The following KLHL32 variants were observed in gnomAD, a reference collection of about 807,000 sequenced individuals.
KLHL32 encodes the protein kelch-like protein 32.
KLHL32 carries 35 observed loss-of-function variants against 64.8 expected under a neutral mutation model. That is an observed-to-expected ratio of 0.54 (90% CI 0.41 to 0.72). KLHL32 has a LOEUF of 0.72. Ranked by LOEUF, KLHL32 falls within the 30% of genes least tolerant of loss-of-function variation. The pLI is 0.00. For missense variants in KLHL32, 589 were observed against 768.5 expected, an observed-to-expected ratio of 0.77 and a Z score of 2.76; for synonymous variants, 259 against 281.0, an observed-to-expected ratio of 0.92 and a Z score of 0.78.
At chr6:97,100,704 C>T (rs1795590067) in intron 6 of KLHL32, among the ~76,000 whole-genome samples, 1 of 152,152 alleles carries the variant, frequency 6.6e-6, no homozygotes, top group Non-Finnish European at 1.5e-5. Context: ...CTGCTTGAGC[C>T]CTTGAGGTCC....
chr6:96,941,492 T>C (rs994198315), intron 1 of KLHL32, among the ~76,000 whole-genome samples: 4 of 152,218 alleles, frequency 2.6e-5, no homozygotes, highest in African/African-American at 9.6e-5. Context: ...ATAAGTTTTC[T>C]GAGTGACTTA....
chr6:96,980,198 T>C (rs577721232), intron 3 of KLHL32, among the ~76,000 whole-genome samples: 1 of 152,184 alleles, frequency 6.6e-6, no homozygotes, highest in Non-Finnish European at 1.5e-5. Flanking sequence ...TCCAGTACTA[T>C]GTTGAATAGG....
At chr6:96,941,214 C>A (rs12662042) in intron 1 of KLHL32, among the ~76,000 whole-genome samples, 53,712 of 152,002 alleles carry the variant, frequency 0.35, 10,379 homozygotes, top group African/African-American at 0.51. Flanking sequence ...TATGATTCGC[C>A]TGTTCAAGTC....
At chr6:97,083,359 C>T (rs1459540190) in intron 5 of KLHL32, among the ~76,000 whole-genome samples, 3 of 151,122 alleles carry the variant, frequency 2.0e-5, no homozygotes, top group Admixed American at 2.0e-4. Context: ...CACTGCATTC[C>T]AGCCTGGGCG....
chr6:97,102,701 TGAG>T (rs1473769806), intron 6 of KLHL32, among the ~76,000 whole-genome samples: 1 of 152,158 alleles, frequency 6.6e-6, no homozygotes, highest in African/African-American at 2.4e-5. Flanking sequence ...TGCTCAAATA[TGAG>T]GAGACCAAGA....
chr6:97,072,735 G>A (rs1208581995), intron 5 of KLHL32, among the ~76,000 whole-genome samples: 2 of 151,974 alleles, frequency 1.3e-5, no homozygotes, highest in African/African-American at 4.8e-5. Context: ...TCAAGTACTT[G>A]GCTCACATTG....
intron 3 of KLHL32, among the ~76,000 whole-genome samples, chr6:97,001,915 A>T (rs932463744): frequency 6.6e-6 from 1 of 152,216 alleles, no homozygotes; most frequent in Non-Finnish European, 1.5e-5. Flanking sequence ...ATGCTGTTAC[A>T]AAAGAGAGAA....
chr6:96,982,780 G>A (rs1424976011), intron 3 of KLHL32, among the ~76,000 whole-genome samples: 3 of 152,174 alleles, frequency 2.0e-5, no homozygotes, highest in Admixed American at 6.5e-5. Context: ...GAGATTTTGG[G>A]CTGAGACGAT....
chr6:96,900,647 T>G, the KLHL32 span, among the ~76,000 whole-genome samples: 2 of 152,188 alleles, frequency 1.3e-5, no homozygotes, highest in African/African-American at 4.8e-5. Flanking sequence ...TGCCTAGACT[T>G]TTACCATTGG....
At chr6:96,898,459 A>T in the KLHL32 span, among the ~76,000 whole-genome samples, 12 of 152,188 alleles carry the variant, frequency 7.9e-5, no homozygotes, top group African/African-American at 2.4e-4. Flanking sequence ...CCCCCGCCTG[A>T]TGCATTTTCA....
intron 1 of KLHL32, among the ~76,000 whole-genome samples, chr6:96,959,881 T>C (rs949744056): frequency 3.9e-5 from 6 of 152,228 alleles, no homozygotes; most frequent in African/African-American, 1.4e-4. Flanking sequence ...GCATCTTAGA[T>C]TATTGGAAAC....
chr6:97,058,192 T>C (rs1311649619), intron 4 of KLHL32, among the ~76,000 whole-genome samples: 1 of 152,212 alleles, frequency 6.6e-6, no homozygotes, highest in East Asian at 1.9e-4. Context: ...CCTCCAACTT[T>C]GTTCTCCTTC....
chr6:96,924,636 C>G (rs1768904074), upstream of KLHL32: 1 of 152,098 alleles, frequency 6.6e-6, no homozygotes, highest in Non-Finnish European at 1.5e-5. Context: ...TGAACCCGCC[C>G]CGGGGGTGCC....
At chr6:97,004,136 G>A in intron 3 of KLHL32, among the ~76,000 whole-genome samples, 1 of 152,052 alleles carries the variant, frequency 6.6e-6, no homozygotes, top group East Asian at 1.9e-4. Context: ...CCATTTGTTT[G>A]TATTATCTCT....
At chr6:97,075,563 A>G (rs1315791755) in intron 5 of KLHL32, among the ~76,000 whole-genome samples, 2 of 152,148 alleles carry the variant, frequency 1.3e-5, no homozygotes, top group East Asian at 1.9e-4. Context: ...CTTCTTTCCT[A>G]TATAACTGAT....
At chr6:96,949,428 A>AT (rs1183391636) in intron 1 of KLHL32, among the ~76,000 whole-genome samples, 2 of 152,102 alleles carry the variant, frequency 1.3e-5, no homozygotes, top group Non-Finnish European at 2.9e-5. Flanking sequence ...CTCTGGGTTC[A>AT]TTTCTAATGT....
chr6:96,981,220 A>G (rs571578781), intron 3 of KLHL32, among the ~76,000 whole-genome samples: 60 of 152,268 alleles, frequency 3.9e-4, no homozygotes, highest in Non-Finnish European at 6.5e-4. Context: ...GCTTCTTCTT[A>G]CTGATTCAAT....
intron 4 of KLHL32, among the ~76,000 whole-genome samples, chr6:97,044,252 A>G (rs936303090): frequency 1.3e-5 from 2 of 151,978 alleles, no homozygotes. Context: ...AGATGATCGT[A>G]TGGTTGTTAT....
In KLHL32 at chr6:96,986,285, G is replaced by T. The variant is rs527899978; in HGVS notation, c.204+10108G>T. On this transcript the variant is annotated intron_variant, in intron 3 of 10. Transcript: ENST00000369261. ...TGTGAGGTGTCAGTCTGCCCCTAAT[G>T]GGGGGGGCCTCCCAGTTAGGCTACT... 8.6e-5 allele frequency among the ~76,000 whole-genome samples: 13 copies of T among 151,736 alleles called. No individual in the cohort carries two copies. The East Asian group carries it at 9.7e-4, about 11-fold the overall frequency.
Sources: allele counts gnomAD v4.1 joint callset (sites outside exome capture counted in the v4.1 genomes callset), GRCh38; gene constraint gnomAD v4.1.1; transcripts MANE v1.5; gene names NCBI Gene and HGNC (gene_info 2026-07-23, HGNC 2026-07-21).